LMO7: variants seen among roughly 807,000 people sequenced by gnomAD.
LMO7 encodes the protein LIM domain 7.
In LMO7, 120 loss-of-function variants were observed where a neutral mutation model predicts 206.5. That is an observed-to-expected ratio of 0.58 (90% CI 0.50 to 0.68). The LOEUF (loss-of-function observed/expected upper bound fraction) is 0.68. LMO7 is among the 30% of genes least tolerant of loss of function. The pLI, the probability that LMO7 is intolerant of heterozygous loss-of-function variation, is 0.00. For synonymous variants in LMO7, 706 were observed against 681.5 expected, an observed-to-expected ratio of 1.04 and a Z score of -0.56; for missense variants, 1,959 against 1,957.9, an observed-to-expected ratio of 1.00 and a Z score of -0.01.
intron 3 of LMO7, among the ~76,000 whole-genome samples, chr13:75,756,679 T>G (rs9573653): frequency 0.016 from 2,485 of 152,318 alleles, 57 homozygotes; most frequent in African/African-American, 0.047. Context: ...CACCTGTCAC[T>G]CTATTGCATG....
chr13:75,800,384 T>C (rs1275056196), intron 6 of LMO7, among the ~76,000 whole-genome samples: 2 of 152,248 alleles, frequency 1.3e-5, no homozygotes, highest in Admixed American at 6.5e-5. Flanking sequence ...TTCATTAAAC[T>C]AGTAATTTTC....
intron 3 of LMO7, among the ~76,000 whole-genome samples, chr13:75,740,259 A>G (rs1187592113): frequency 6.6e-6 from 1 of 152,178 alleles, no homozygotes; most frequent in Non-Finnish European, 1.5e-5. Context: ...AATAAGCAAG[A>G]CAGACATTTG....
In LMO7 at chr13:75,805,566, A is replaced by T; in HGVS notation, c.1002A>T (p.Glu334Asp). 6.2e-7 allele frequency: 1 copy of T among 1,614,068 alleles called. No individual in the cohort carries two copies. The highest frequency in any genetic ancestry group is 1.1e-5 in the South Asian group (1 of 91,084). Residue 334 changes from glutamate (E) to aspartate (D), a missense_variant, in exon 9 of 31, where the codon GAA becomes GAT. Transcript: ENST00000377534. ...AGTCCTCTTGTTATTTGGAAGAGGA[A>T]AAAGCAAAGACAAGAAGCATACCCA... ...TSKSSCYLEEEKAKTRSIPNI... is the reference protein window; with the variant it reads ...TSKSSCYLEEDKAKTRSIPNI...
chr13:75,853,265 G>C lies in LMO7; in HGVS notation c.4538G>C (p.Ser1513Thr). 6.2e-7 allele frequency: 1 copy of C among 1,613,882 alleles called. No individual in the cohort carries two copies. Among genetic ancestry groups the C allele is most frequent in the South Asian group, 1.1e-5 (1 of 91,054 alleles). The part of the protein sequence containing the change: ...NRAYMRNPSS[S>T]VPPPSAGSVK... ...GCCTACATGCGGAACCCCTCCTCCA[G>C]CGTGCCCCCACCTTCAGCTGGCTCC... is the stretch of plus-strand genomic sequence containing the variant. The change falls in exon 28 of 31, where the codon AGC (serine) becomes ACC (threonine). Residue 1513 changes from serine (S) to threonine (T), a missense_variant. Transcript: ENST00000377534.
chr13:75,724,916 C>T (rs560517326), intron 2 of LMO7, among the ~76,000 whole-genome samples: 14 of 152,080 alleles, frequency 9.2e-5, no homozygotes, highest in African/African-American at 3.1e-4. Context: ...TTCCTCAGCT[C>T]ATTTCCGTGT....
chr13:75,625,702 A>G (rs1409263263), intron 2 of LMO7, among the ~76,000 whole-genome samples: 1 of 152,244 alleles, frequency 6.6e-6, no homozygotes, highest in African/African-American at 2.4e-5. Context: ...AGTCATGGAT[A>G]GAACATTCCT....
intron 26 of LMO7, among the ~76,000 whole-genome samples, chr13:75,845,792 T>C (rs1322212534): frequency 6.6e-6 from 1 of 152,214 alleles, no homozygotes; most frequent in Non-Finnish European, 1.5e-5. Context: ...AAATTATGAC[T>C]TCAGTAATTG....
chr13:75,840,289 A>G, intron 21 of LMO7, 102 bp from the exon 22 acceptor site: 1 of 1,445,128 alleles, frequency 6.9e-7, no homozygotes, highest in Non-Finnish European at 9.7e-7. Context: ...AGTTTAAGCA[A>G]ACTGTGATAT....
chr13:75,794,748 T>C (rs918306589), intron 4 of LMO7, among the ~76,000 whole-genome samples: 4 of 152,356 alleles, frequency 2.6e-5, no homozygotes, highest in Non-Finnish European at 5.9e-5. Context: ...TGCCTCTTTT[T>C]AACTTCTCCC....
At chr13:75,686,226 T>G (rs1018585236) in intron 1 of LMO7, among the ~76,000 whole-genome samples, 1 of 152,090 alleles carries the variant, frequency 6.6e-6, no homozygotes, top group African/African-American at 2.4e-5. Flanking sequence ...CAAAAGAAGA[T>G]TATTGGACTC....
Position 75,622,008 on chromosome 13 carries a change from A to C in LMO7, c.175+140A>C, listed in dbSNP as rs528318743. The C allele has an allele frequency of 8.5e-5, 42 of 493,862 alleles. 1 individual carries two copies. The South Asian group carries it at 2.5e-3, about 29-fold the overall frequency. The allele number at this position is 493,862 out of a possible 1,614,324, so 30.6% of individuals were successfully genotyped here. Reference sequence around the variant, plus strand: ...AGGCAAGAAGTAAATACTGCAACTGAGATAAAATTAAGTCAACTTTGTAGA... The same window carrying C: ...AGGCAAGAAGTAAATACTGCAACTGCGATAAAATTAAGTCAACTTTGTAGA... On this transcript the variant is annotated intron_variant, in intron 1 of 29. Transcript: ENST00000341547.
Position 75,834,260 on chromosome 13 carries a change from T to C in LMO7, c.3099T>C (p.Asp1033=). The C allele has an allele frequency of 6.2e-7, 1 of 1,607,666 alleles. No individual in the cohort carries two copies. Among genetic ancestry groups the C allele is most frequent in the Non-Finnish European group, 8.5e-7 (1 of 1,177,160 alleles). The change falls in exon 17 of 31, where the codon GAT becomes GAC. Residue 1033 remains aspartate (D), a synonymous_variant. Transcript: ENST00000377534. The stretch of plus-strand genomic sequence containing the variant: ...CAGAATTTTCTCAGCTACAAGTAGA[T>C]GATGAAATTATTGCTATTAACAACA... ...SPAEFSQLQV[D]DEIIAINNTK... is the part of the protein sequence containing the mutation.
In LMO7 at chr13:75,753,977, A is replaced by G. The variant is rs544115358; in HGVS notation, c.211-6955A>G. On this transcript the variant is annotated intron_variant, in intron 3 of 30. Coordinates refer to ENST00000377534, the MANE Select transcript of LMO7 (RefSeq NM_001306080.2). ...ATATAGTTCACCTGTGTAACCAAAA[A>G]CCACTTGTATCCCTAAAGCTATTGA... 3.3e-5 allele frequency among the ~76,000 whole-genome samples: 5 copies of G among 152,342 alleles called. 1 individual carries two copies. Among genetic ancestry groups the G allele is most frequent in the Non-Finnish European group, 5.9e-5 (4 of 68,036 alleles).
chr13:75,645,138 C>T (rs759025502), intron 1 of LMO7, among the ~76,000 whole-genome samples: 46 of 152,268 alleles, frequency 3.0e-4, no homozygotes, highest in Admixed American at 9.2e-4. Flanking sequence ...TCTCATGTGA[C>T]CTACATTTCT....
intron 1 of LMO7, among the ~76,000 whole-genome samples, chr13:75,680,077 T>C (rs745624834): frequency 2.6e-5 from 4 of 152,170 alleles, no homozygotes; most frequent in Admixed American, 2.0e-4. Context: ...GGCCCCAGTA[T>C]GTGTTGTTCC....
intron 1 of LMO7, among the ~76,000 whole-genome samples, chr13:75,697,492 A>G (rs2041988382): frequency 6.6e-6 from 1 of 152,178 alleles, no homozygotes; most frequent in African/African-American, 2.4e-5. Context: ...CACTATCACA[A>G]GAACAGTATA....
At chr13:75,713,141 C>T (rs781384053) in intron 1 of LMO7, 41 bp from the exon 2 acceptor site, 1 of 1,447,646 alleles carries the variant, frequency 6.9e-7, no homozygotes, top group East Asian at 2.3e-5. Flanking sequence ...TGTGTGCTAT[C>T]CCTGCTTAAG....
chr13:75,770,201 G>A (rs1469879741), intron 4 of LMO7, among the ~76,000 whole-genome samples: 1 of 151,234 alleles, frequency 6.6e-6, no homozygotes, highest in Non-Finnish European at 1.5e-5. Context: ...CCCCACCGAA[G>A]GGGCCTGGTC....
intron 4 of LMO7, among the ~76,000 whole-genome samples, chr13:75,771,108 C>G (rs983675143): frequency 6.6e-6 from 1 of 151,994 alleles, no homozygotes; most frequent in Middle Eastern, 3.2e-3. Context: ...TGATATGTGG[C>G]AAATATCTTC....
Sources: gnomAD v4.1 joint callset for allele counts (sites outside exome capture counted in the v4.1 genomes callset) on GRCh38, gnomAD v4.1.1 for gene constraint, MANE v1.5 for transcripts, NCBI Gene and HGNC (gene_info 2026-07-23, HGNC 2026-07-21) for gene names.